RBM47: variants seen among roughly 807,000 people sequenced by gnomAD.
RBM47 encodes RNA-binding protein 47.
RBM47 carries 21 observed loss-of-function variants against 47.1 expected under a neutral mutation model. That is an observed-to-expected ratio of 0.45 (90% CI 0.32 to 0.64). The LOEUF (loss-of-function observed/expected upper bound fraction) is 0.64. RBM47 is among the 30% of genes least tolerant of loss of function. The probability of loss-of-function intolerance (pLI) is 0.05; values close to 1 mark genes in which losing one functional copy is unlikely to be tolerated. For synonymous variants in RBM47, 375 were observed against 361.7 expected (o/e 1.04, Z -0.42); for missense variants, 708 against 870.9 (o/e 0.81, Z 2.35).
chr4:40,588,285 A>C (rs1262398856), intron 1 of RBM47, among the ~76,000 whole-genome samples: 1 of 152,198 alleles, frequency 6.6e-6, no homozygotes, highest in Non-Finnish European at 1.5e-5. Context: ...CCAGGGCTCT[A>C]TCATTTAAAA....
intron 4 of RBM47, 27 bp from the exon 5 acceptor site, chr4:40,436,674 C>T: frequency 6.2e-7 from 1 of 1,607,720 alleles, no homozygotes; most frequent in Non-Finnish European, 8.5e-7. Context: ...AAAAGATGAT[C>T]AGCAACCAAC....
At chr4:40,545,013 A>T (rs1728882170) in intron 1 of RBM47, among the ~76,000 whole-genome samples, 2 of 146,630 alleles carry the variant, frequency 1.4e-5, no homozygotes, top group African/African-American at 5.1e-5. Context: ...GTGAGCTATG[A>T]TCGTGCACTC....
chr4:40,593,778 GGAGGCT>G (rs1203688055), intron 1 of RBM47, among the ~76,000 whole-genome samples: 1 of 151,984 alleles, frequency 6.6e-6, no homozygotes, highest in Admixed American at 6.6e-5. Context: ...CAGCTACTCG[GGAGGCT>G]GAGGCAGGAG....
chr4:40,609,878 T>C (rs1298491502), intron 1 of RBM47, among the ~76,000 whole-genome samples: 1 of 151,054 alleles, frequency 6.6e-6, no homozygotes, highest in Non-Finnish European at 1.5e-5. Flanking sequence ...GCAGATCACC[T>C]GAGGTCAGGA....
rs575537129 is a variant in RBM47 at position 40,530,445 on chromosome 4, G to A, written c.-155+13977C>T. Among the ~76,000 whole-genome samples the A allele has an allele frequency of 2.0e-5, 3 of 152,162 alleles. No individual in the cohort carries two copies. The East Asian group carries it at 5.8e-4, about 29-fold the overall frequency. ...CACCTCCTAAGTAGCTGGGACTACAGGCACACGCCATCGCACCCAGCTAAT... is the reference window on the plus strand; with the variant it reads ...CACCTCCTAAGTAGCTGGGACTACAAGCACACGCCATCGCACCCAGCTAAT... On this transcript the variant is annotated intron_variant, in intron 2 of 6. Transcript: ENST00000295971.
intron 1 of RBM47, among the ~76,000 whole-genome samples, chr4:40,548,087 A>G (rs1729193423): frequency 6.6e-6 from 1 of 152,212 alleles, no homozygotes; most frequent in Non-Finnish European, 1.5e-5. Context: ...GACCATTATA[A>G]AACAACGTGA....
chr4:40,464,584 G>A (rs192119420), intron 3 of RBM47, among the ~76,000 whole-genome samples: 1 of 152,078 alleles, frequency 6.6e-6, no homozygotes, highest in East Asian at 1.9e-4. Context: ...ACTGCAGATG[G>A]GGGCTGACTA....
intron 1 of RBM47, among the ~76,000 whole-genome samples, chr4:40,574,212 A>C (rs1203476837): frequency 2.6e-5 from 4 of 152,230 alleles, no homozygotes; most frequent in African/African-American, 9.6e-5. Flanking sequence ...AACTCCTCCT[A>C]AAGTTTTACA....
intron 5 of RBM47, among the ~76,000 whole-genome samples, chr4:40,435,328 C>T (rs144578496): frequency 1.0e-3 from 155 of 152,216 alleles, no homozygotes; most frequent in African/African-American, 3.6e-3. Context: ...GCGGGTGGCT[C>T]ACTTGAGGTC....
chr4:40,573,755 A>AAG (rs1315115525), intron 1 of RBM47, among the ~76,000 whole-genome samples: 17 of 145,674 alleles, frequency 1.2e-4, no homozygotes, highest in African/African-American at 3.3e-4. Flanking sequence ...GCAAGAAAGA[A>AAG]AGAGAGAGAG....
intron 2 of RBM47, among the ~76,000 whole-genome samples, chr4:40,527,436 A>ATTTTT (rs60524903): frequency 6.2e-4 from 65 of 104,702 alleles, no homozygotes; most frequent in African/African-American, 1.7e-3. Context: ...ACACCTGGCA[A>ATTTTT]TTTTTTTTTT....
chr4:40,614,508 T>C (rs1015003839), intron 1 of RBM47, among the ~76,000 whole-genome samples: 1 of 151,882 alleles, frequency 6.6e-6, no homozygotes, highest in African/African-American at 2.4e-5. Context: ...AAAGACCTGG[T>C]TTTTCCAAAC....
At chr4:40,531,877 C>A (rs534316700) in intron 2 of RBM47, among the ~76,000 whole-genome samples, 1 of 152,122 alleles carries the variant, frequency 6.6e-6, no homozygotes, top group African/African-American at 2.4e-5. Context: ...TGAAAGATAT[C>A]GTTAAGTGAG....
At chr4:40,502,206 T>C (rs1723467241) in intron 2 of RBM47, 1 of 154,386 alleles carries the variant, frequency 6.5e-6, no homozygotes, top group African/African-American at 2.4e-5. Context: ...ACTGCCTCAC[T>C]TCTTGGATGA....
chr4:40,481,444 T>TGTA (rs1720376428), intron 2 of RBM47, among the ~76,000 whole-genome samples: 1 of 112,636 alleles, frequency 8.9e-6, no homozygotes, highest in African/African-American at 3.5e-5. Context: ...TGCTAATTTT[T>TGTA]GTATTATTAT....
chr4:40,483,154 C>T (rs1195727900), intron 2 of RBM47, among the ~76,000 whole-genome samples: 1 of 152,182 alleles, frequency 6.6e-6, no homozygotes, highest in African/African-American at 2.4e-5. Context: ...GGAGTATAAG[C>T]TCAGGAAAAA....
chr4:40,534,062 G>A (rs1727673905), intron 2 of RBM47, among the ~76,000 whole-genome samples: 1 of 151,604 alleles, frequency 6.6e-6, no homozygotes, highest in African/African-American at 2.4e-5. Flanking sequence ...TGATCCACAT[G>A]CCTCGGCCTC....
Position 40,436,513 on chromosome 4 carries a change from C to T in RBM47, c.1258G>A (p.Glu420Lys). ...TTCGGCACCAGTTCATATCCTTTTT[C>T]TTGCTGCTTTCCTTTCCCTTCATGA... is the stretch of plus-strand genomic sequence containing the variant. ...RYHEGKGKQQEKGYELVPNLE... is the reference protein window; with the variant it reads ...RYHEGKGKQQKKGYELVPNLE... Residue 420 changes from glutamate (E) to lysine (K), a missense_variant, in exon 5 of 7, where the codon GAA (glutamate) becomes AAA (lysine). By Grantham distance (56) the Glu-to-Lys change is moderately conservative. Coordinates refer to ENST00000295971, the MANE Select transcript of RBM47 (RefSeq NM_001098634.2). 1 of 1,614,208 alleles carries T rather than the reference C, an allele frequency of 6.2e-7. No homozygotes were observed. Among genetic ancestry groups the T allele is most frequent in the South Asian group, 1.1e-5 (1 of 91,082 alleles).
intron 1 of RBM47, among the ~76,000 whole-genome samples, chr4:40,547,489 C>G (rs1318451059): frequency 6.6e-6 from 1 of 152,228 alleles, no homozygotes; most frequent in East Asian, 1.9e-4. Context: ...TCACCTTGAT[C>G]TTGGACTTCC....
Sources: gnomAD v4.1 joint callset for allele counts (sites outside exome capture counted in the v4.1 genomes callset) on GRCh38, gnomAD v4.1.1 for gene constraint, MANE v1.5 for transcripts, NCBI Gene and HGNC (gene_info 2026-07-23, HGNC 2026-07-21) for gene names.